The following AQP9 variants were observed in gnomAD, a reference collection of about 807,000 sequenced individuals.
The protein encoded by AQP9 is aquaporin 9.
A neutral mutation model predicts 23.8 loss-of-function variants in AQP9; 19 were observed. The ratio of observed to expected loss-of-function variants is 0.80; its 90% CI spans 0.56 to 1.17. The LOEUF (loss-of-function observed/expected upper bound fraction) is 1.17, where lower values mean the gene tolerates loss of function less well. Ranked by LOEUF, AQP9 falls within the 50% of genes most tolerant of loss-of-function variation. The pLI is 0.00. For missense variants in AQP9, 413 were observed against 362.0 expected, an observed-to-expected ratio of 1.14 and a Z score of -1.14; for synonymous variants, 153 against 131.5, an observed-to-expected ratio of 1.16 and a Z score of -1.12.
chr15:58,181,285 G>C (rs1422571902), intron 5 of AQP9, among the ~76,000 whole-genome samples: 1 of 152,106 alleles, frequency 6.6e-6, no homozygotes, highest in Non-Finnish European at 1.5e-5. Context: ...TCTTACTCAA[G>C]GCTCTCCACT....
chr15:58,139,538 T>TA (rs1380172052), intron 1 of AQP9, among the ~76,000 whole-genome samples: 1 of 152,234 alleles, frequency 6.6e-6, no homozygotes, highest in African/African-American at 2.4e-5. Flanking sequence ...TGGTTTTTTT[T>TA]ATCCTGCTTA....
chr15:58,145,703 G>A (rs1403654201), intron 1 of AQP9, among the ~76,000 whole-genome samples: 1 of 152,024 alleles, frequency 6.6e-6, no homozygotes. Flanking sequence ...ATTTAAAAAT[G>A]CATTCCTATC....
intron 2 of AQP9, among the ~76,000 whole-genome samples, chr15:58,168,567 G>A (rs950562182): frequency 4.6e-5 from 7 of 151,912 alleles, no homozygotes; most frequent in Non-Finnish European, 7.4e-5. Flanking sequence ...TCAGATCCAA[G>A]GGTCGTCCAG....
Position 58,176,222 on chromosome 15 carries a change from G to T in AQP9, c.495+1186G>T, listed in dbSNP as rs746463966. On this transcript the variant is annotated intron_variant, in intron 4 of 5. Transcript: ENST00000219919. ...TGAACAAGGAAACAATGCAAAATAAGATATAATTAGACAGAGCTGGGCACG... is the reference window on the plus strand; with the variant it reads ...TGAACAAGGAAACAATGCAAAATAATATATAATTAGACAGAGCTGGGCACG... 7.5e-4 allele frequency among the ~76,000 whole-genome samples: 114 copies of T among 152,224 alleles called. 1 individual carries two copies. Among genetic ancestry groups the T allele is most frequent in the East Asian group, 7.7e-4 (4 of 5,176 alleles).
At chr15:58,147,802 T>C (rs974741496) in intron 1 of AQP9, among the ~76,000 whole-genome samples, 2 of 152,170 alleles carry the variant, frequency 1.3e-5, no homozygotes, top group Non-Finnish European at 2.9e-5. Flanking sequence ...AAGGTTTACA[T>C]GCTAATACAA....
chr15:58,181,537 G>A (rs1026927200), intron 5 of AQP9, among the ~76,000 whole-genome samples: 2 of 152,184 alleles, frequency 1.3e-5, no homozygotes, highest in African/African-American at 4.8e-5. Context: ...CTCAGGCAGA[G>A]AGAACCGTTA....
intron 1 of AQP9, among the ~76,000 whole-genome samples, chr15:58,141,976 T>G (rs1337460873): frequency 6.6e-6 from 1 of 152,190 alleles, no homozygotes; most frequent in Non-Finnish European, 1.5e-5. Flanking sequence ...AGTACATTAT[T>G]TGGAATGCCC....
At chr15:58,169,023 A>T (rs2899617) in intron 2 of AQP9, among the ~76,000 whole-genome samples, 107,156 of 151,984 alleles carry the variant, frequency 0.71, 37,767 homozygotes, top group Admixed American at 0.76. Context: ...TCCATATCTG[A>T]TTCTGTCCAT....
chr15:58,172,883 T>C (rs367764959), intron 2 of AQP9, among the ~76,000 whole-genome samples, 185 bp from the exon 3 acceptor site: 20 of 152,164 alleles, frequency 1.3e-4, no homozygotes, highest in African/African-American at 4.8e-4. Flanking sequence ...ATGAAAATGA[T>C]CATTCCTCCT....
In AQP9 at chr15:58,184,326, C is replaced by T. The variant is rs1468535248; in HGVS notation, c.*191C>T. The T allele has an allele frequency of 3.6e-6, 2 of 560,226 alleles. No homozygotes were observed. Among genetic ancestry groups the T allele is most frequent in the African/African-American group, 3.8e-5 (2 of 52,526 alleles). The allele number at this position is 560,226 out of a possible 1,614,324, so 34.7% of individuals were successfully genotyped here. A position where few individuals can be genotyped will look rare whatever the true frequency, so the allele number is the denominator to read the frequency against. On this transcript the variant is annotated 3_prime_UTR_variant, in exon 6 of 6. Coordinates refer to ENST00000219919, the MANE Select transcript of AQP9 (RefSeq NM_020980.5). ...ATGACCACTTCTCTACCATTGTCCCCCACCCCCACCCCCCAGAATAACGCT... is the reference window on the plus strand; with the variant it reads ...ATGACCACTTCTCTACCATTGTCCCTCACCCCCACCCCCCAGAATAACGCT...
At chr15:58,139,804 T>C (rs1897921146) in intron 1 of AQP9, among the ~76,000 whole-genome samples, 1 of 152,204 alleles carries the variant, frequency 6.6e-6, no homozygotes, top group Non-Finnish European at 1.5e-5. Flanking sequence ...CGTTACAGTA[T>C]TTTCAGGGAG....
At chr15:58,166,940 T>C in intron 2 of AQP9, 141 bp downstream of exon 2, 1 of 1,147,110 alleles carries the variant, frequency 8.7e-7, no homozygotes, top group Admixed American at 3.8e-5. Context: ...TTTTTATAGA[T>C]AAAATTAAAA....
rs74016574 is a variant in AQP9, at chr15:58,173,741, C to A, written c.376+536C>A. ...AGACCAGACTTTAGCTCTAGCTGTT[C>A]AGTAAATACCTGTGCAACTTAAATA... On this transcript the variant is annotated intron_variant, in intron 3 of 5. Transcript: ENST00000219919. Among the ~76,000 whole-genome samples, 1,512 of 152,272 alleles carry A rather than the reference C, an allele frequency of 9.9e-3. 21 individuals are homozygous for A. The highest frequency in any genetic ancestry group is 0.035 in the African/African-American group (1,449 of 41,546).
intron 4 of AQP9, among the ~76,000 whole-genome samples, chr15:58,178,186 G>A (rs1182069681): frequency 6.6e-6 from 1 of 151,974 alleles, no homozygotes; most frequent in Non-Finnish European, 1.5e-5. Flanking sequence ...AGGAAGTCCT[G>A]GAACCAATCC....
In AQP9 at chr15:58,179,280, C is replaced by A. The variant is rs564430904; in HGVS notation, c.648C>A (p.Asn216Lys). 5 of 1,614,038 alleles carry A rather than the reference C, an allele frequency of 3.1e-6. No homozygotes were observed. The highest frequency in any genetic ancestry group is 3.4e-6 in the Non-Finnish European group (4 of 1,180,028). The stretch of plus-strand genomic sequence containing the variant: ...GACTGAACAGTGGCTGTGCCATGAA[C>A]CCAGCTCGAGACCTGAGTCCCAGAC... ...SLGLNSGCAM[N>K]PARDLSPRLF... is the part of the protein sequence containing the mutation. The change falls in exon 5 of 6, where the codon AAC (asparagine) becomes AAA (lysine). Residue 216 changes from asparagine to lysine, a missense_variant. Coordinates refer to ENST00000219919, the MANE Select transcript of AQP9 (RefSeq NM_020980.5).
chr15:58,181,111 CAGAT>C (rs1302941451), intron 5 of AQP9, among the ~76,000 whole-genome samples: 1 of 152,186 alleles, frequency 6.6e-6, no homozygotes, highest in East Asian at 1.9e-4. Flanking sequence ...GGTTCCAAAA[CAGAT>C]GGAGATCTTG....
intron 1 of AQP9, chr15:58,153,376 T>C (rs554945330): frequency 6.6e-6 from 1 of 152,294 alleles, no homozygotes; most frequent in South Asian, 2.1e-4. Flanking sequence ...TTTCTACTTA[T>C]CTGCTTCTAC....
At chr15:58,165,459 C>A (rs1898478343) in intron 1 of AQP9, among the ~76,000 whole-genome samples, 1 of 152,142 alleles carries the variant, frequency 6.6e-6, no homozygotes, top group African/African-American at 2.4e-5. Flanking sequence ...CATGTGCTCC[C>A]CCAACCCATT....
intron 1 of AQP9, among the ~76,000 whole-genome samples, chr15:58,162,833 G>A (rs1217630384): frequency 2.0e-5 from 3 of 152,226 alleles, no homozygotes; most frequent in Admixed American, 6.5e-5. Flanking sequence ...TCCACTTTTC[G>A]AGCCACTCCA....
Sources: allele counts gnomAD v4.1 joint callset (sites outside exome capture counted in the v4.1 genomes callset), GRCh38; gene constraint gnomAD v4.1.1; transcripts MANE v1.5; gene names NCBI Gene and HGNC (gene_info 2026-07-23, HGNC 2026-07-21).